The following FRK variants were observed in gnomAD, a reference collection of about 807,000 sequenced individuals.
The protein encoded by FRK is tyrosine-protein kinase FRK.
FRK carries 51 observed loss-of-function variants against 56.4 expected under a neutral mutation model. The ratio of observed to expected loss-of-function variants is 0.90; its 90% CI spans 0.72 to 1.14. The LOEUF (loss-of-function observed/expected upper bound fraction) is 1.14, where lower values mean the gene tolerates loss of function less well. Ranked by LOEUF, FRK falls within the 50% of genes most tolerant of loss-of-function variation. The pLI is 0.00. For synonymous variants in FRK, 245 were observed against 217.9 expected (o/e 1.12, Z -1.10); for missense variants, 570 against 601.4 (o/e 0.95, Z 0.55).
chr6:116,083,369 A>T, the FRK span, among the ~76,000 whole-genome samples: 1 of 151,638 alleles, frequency 6.6e-6, no homozygotes, highest in South Asian at 2.1e-4. Context: ...GGGAAAAAAA[A>T]AGCTTTGTTT....
At position 115,967,690 on chromosome 6, in the gene FRK, C is replaced by G. The variant is rs759364955; in HGVS notation, c.660G>C (p.Ser220=). The change falls in exon 4 of 8, where the codon TCG becomes TCC. Residue 220 remains serine (S), a synonymous_variant. Coordinates refer to ENST00000606080, the MANE Select transcript of FRK (RefSeq NM_002031.3). ...TCTCCCATTGGTCCACGGTTTTATA[C>G]GACAAATCAAATGGAGCTGGGACCT... ...KIQVPAPFDL[S]YKTVDQWEID... 3.1e-6 allele frequency: 5 copies of G among 1,607,190 alleles called. No homozygotes were observed. The highest frequency in any genetic ancestry group is 3.4e-6 in the Non-Finnish European group (4 of 1,177,074).
At chr6:116,069,837 TA>T in the FRK span, among the ~76,000 whole-genome samples, 2 of 152,150 alleles carry the variant, frequency 1.3e-5, no homozygotes, top group Non-Finnish European at 2.9e-5. Flanking sequence ...AGGGATCCTG[TA>T]AAAACTTGGA....
chr6:116,081,781 C>T, the FRK span, among the ~76,000 whole-genome samples: 1 of 152,092 alleles, frequency 6.6e-6, no homozygotes, highest in Non-Finnish European at 1.5e-5. Context: ...CAAATATCTA[C>T]ACATTAATCA....
intron 1 of FRK, among the ~76,000 whole-genome samples, chr6:116,028,851 T>C (rs1052624385): frequency 1.3e-5 from 2 of 152,122 alleles, no homozygotes; most frequent in African/African-American, 4.8e-5. Context: ...CTTCAACTCA[T>C]ATCATTCAGT....
intron 1 of FRK, among the ~76,000 whole-genome samples, chr6:116,012,287 C>T (rs1280477218): frequency 6.6e-6 from 1 of 152,140 alleles, no homozygotes; most frequent in African/African-American, 2.4e-5. Context: ...CTCTATTAAC[C>T]TGGAAATTCA....
chr6:115,999,031 T>G (rs1402978013), intron 2 of FRK, among the ~76,000 whole-genome samples: 1 of 152,130 alleles, frequency 6.6e-6, no homozygotes, highest in East Asian at 1.9e-4. Flanking sequence ...CAGCTCAATT[T>G]TAGACCCTAA....
At chr6:115,978,919 G>A (rs1774089425) in intron 2 of FRK, among the ~76,000 whole-genome samples, 1 of 151,974 alleles carries the variant, frequency 6.6e-6, no homozygotes, top group South Asian at 2.1e-4. Flanking sequence ...TGAGTGTGGT[G>A]GCACATGCCT....
At chr6:115,954,472 C>G (rs888952794) in intron 5 of FRK, among the ~76,000 whole-genome samples, 9 of 152,062 alleles carry the variant, frequency 5.9e-5, no homozygotes, top group Non-Finnish European at 1.3e-4. Flanking sequence ...AGGTAAAATC[C>G]TCTATATATT....
rs368097064 is a variant in FRK, at chr6:116,032,178, C to T, written c.344+27790G>A. 3.7e-4 allele frequency among the ~76,000 whole-genome samples: 56 copies of T among 151,904 alleles called. No homozygotes were observed. In the South Asian group the frequency reaches 0.011, roughly 30 times the overall value. ...GACAATAAATTTTTTCTGAGAAGATCAACACAGGTAAAAATCATAAAGTGA... is the reference window on the plus strand; with the variant it reads ...GACAATAAATTTTTTCTGAGAAGATTAACACAGGTAAAAATCATAAAGTGA... On this transcript the variant is annotated intron_variant, in intron 1 of 7. Transcript: ENST00000606080.
chr6:116,048,047 T>C (rs1014529350), intron 1 of FRK, among the ~76,000 whole-genome samples: 6 of 152,358 alleles, frequency 3.9e-5, no homozygotes, highest in African/African-American at 1.4e-4. Context: ...CTTTGCCTCA[T>C]TGCTCCTGTT....
At chr6:116,033,551 T>G (rs1169209769) in intron 1 of FRK, among the ~76,000 whole-genome samples, 1 of 152,066 alleles carries the variant, frequency 6.6e-6, no homozygotes, top group Non-Finnish European at 1.5e-5. Context: ...TATAAAATCA[T>G]TTTTCAACTA....
At chr6:115,989,313 AG>A (rs1562273188) in intron 2 of FRK, among the ~76,000 whole-genome samples, 1 of 151,998 alleles carries the variant, frequency 6.6e-6, no homozygotes, top group East Asian at 1.9e-4. Flanking sequence ...TTTTAGATTC[AG>A]GGGGTACATA....
At chr6:116,073,059 T>C in the FRK span, among the ~76,000 whole-genome samples, 31 of 152,298 alleles carry the variant, frequency 2.0e-4, no homozygotes, top group East Asian at 4.8e-3. Flanking sequence ...CAGAAGAATG[T>C]ATCAATATGT....
upstream of FRK, among the ~76,000 whole-genome samples, chr6:116,061,699 G>C (rs1777628613): frequency 2.6e-5 from 4 of 152,180 alleles, 1 homozygote; most frequent in South Asian, 8.3e-4. Context: ...CGGGCAATGA[G>C]TCTGGCAGAT....
At chr6:115,957,053 C>A (rs911675638) in intron 4 of FRK, among the ~76,000 whole-genome samples, 4 of 152,212 alleles carry the variant, frequency 2.6e-5, no homozygotes, top group Non-Finnish European at 4.4e-5. Context: ...AATCCTAAAA[C>A]AGTGACATTC....
At chr6:116,078,388 T>A in the FRK span, among the ~76,000 whole-genome samples, 1 of 152,126 alleles carries the variant, frequency 6.6e-6, no homozygotes, top group Admixed American at 6.5e-5. Context: ...TCTGGGAAAA[T>A]GAGTCTAACT....
At chr6:115,942,901 C>T (rs760946377) in intron 7 of FRK, 119 bp downstream of exon 7, 50 of 979,010 alleles carry the variant, frequency 5.1e-5, no homozygotes, top group African/African-American at 4.5e-4. Context: ...ATCAAGCTCC[C>T]GCAGGTATGG....
At chr6:115,955,628 A>G (rs1028249915) in intron 5 of FRK, among the ~76,000 whole-genome samples, 1 of 152,200 alleles carries the variant, frequency 6.6e-6, no homozygotes, top group African/African-American at 2.4e-5. Flanking sequence ...TACCAGCTTC[A>G]TAAGTCATCC....
At chr6:116,054,335 C>T (rs982097208) in intron 1 of FRK, among the ~76,000 whole-genome samples, 7 of 148,628 alleles carry the variant, frequency 4.7e-5, no homozygotes, top group African/African-American at 1.7e-4. Flanking sequence ...ATGATTTGTG[C>T]TAAAATTTTT....
Sources: allele counts gnomAD v4.1 joint callset (sites outside exome capture counted in the v4.1 genomes callset), GRCh38; gene constraint gnomAD v4.1.1; transcripts MANE v1.5; gene names NCBI Gene and HGNC (gene_info 2026-07-23, HGNC 2026-07-21).